CTNND2: variants seen among roughly 807,000 people sequenced by gnomAD.
CTNND2 encodes the protein catenin delta 2.
CTNND2 carries 22 observed loss-of-function variants against 144.4 expected under a neutral mutation model. That is an observed-to-expected ratio of 0.15 (90% confidence interval 0.11 to 0.22). The LOEUF is 0.22. Ranked by LOEUF, CTNND2 falls within the 10% of genes least tolerant of loss-of-function variation. CTNND2 has a pLI of 1.00. For missense variants in CTNND2, 1,353 were observed against 1,618.8 expected (o/e 0.84, Z 2.82); for synonymous variants, 751 against 695.6 (o/e 1.08, Z -1.25).
At chr5:11,387,082 T>A (rs1759158984) in intron 6 of CTNND2, among the ~76,000 whole-genome samples, 2 of 151,760 alleles carry the variant, frequency 1.3e-5, no homozygotes, top group South Asian at 4.2e-4. Context: ...TACTCATGAC[T>A]TACCATTGCT....
intron 3 of CTNND2, among the ~76,000 whole-genome samples, chr5:11,495,686 T>C (rs191899813): frequency 6.6e-6 from 1 of 152,278 alleles, no homozygotes; most frequent in East Asian, 1.9e-4. Flanking sequence ...GACTCTTCTT[T>C]CTCTTGAACT....
chr5:11,708,453 G>T (rs1166873454), intron 2 of CTNND2, among the ~76,000 whole-genome samples: 1 of 152,156 alleles, frequency 6.6e-6, no homozygotes, highest in Non-Finnish European at 1.5e-5. Context: ...CTAGATATTG[G>T]AGAGATCTGA....
chr5:11,353,113 T>C (rs1363308894), intron 8 of CTNND2, among the ~76,000 whole-genome samples: 1 of 149,042 alleles, frequency 6.7e-6, no homozygotes, highest in African/African-American at 2.5e-5. Context: ...CAGCCATCAA[T>C]GGGAAAGGAT....
intron 2 of CTNND2, among the ~76,000 whole-genome samples, chr5:11,568,252 G>A (rs536744540): frequency 1.3e-5 from 2 of 152,204 alleles, no homozygotes; most frequent in East Asian, 3.9e-4. Flanking sequence ...TATGAGAAAG[G>A]GCACCTTGCC....
chr5:11,104,362 T>C (rs1752206146), intron 14 of CTNND2, among the ~76,000 whole-genome samples: 1 of 152,212 alleles, frequency 6.6e-6, no homozygotes, highest in Admixed American at 6.5e-5. Context: ...TCTAAGTAGG[T>C]AAACTGTCAG....
intron 2 of CTNND2, among the ~76,000 whole-genome samples, chr5:11,662,849 C>G (rs75573501): frequency 6.6e-6 from 1 of 152,086 alleles, no homozygotes; most frequent in African/African-American, 2.4e-5. Context: ...AACTGTCTTC[C>G]GCAAAACTGG....
chr5:11,606,600 C>A (rs1780058255), intron 2 of CTNND2, among the ~76,000 whole-genome samples: 1 of 152,084 alleles, frequency 6.6e-6, no homozygotes, highest in African/African-American at 2.4e-5. Context: ...ATCATTCATC[C>A]AGCTGGAGGT....
intron 2 of CTNND2, among the ~76,000 whole-genome samples, chr5:11,693,684 G>A (rs907607022): frequency 2.6e-5 from 4 of 152,204 alleles, no homozygotes; most frequent in African/African-American, 9.6e-5. Context: ...AATATTTGGA[G>A]AATGAGAGAA....
intron 3 of CTNND2, among the ~76,000 whole-genome samples, chr5:11,490,111 T>A (rs761051591): frequency 6.6e-6 from 1 of 152,222 alleles, no homozygotes; most frequent in Non-Finnish European, 1.5e-5. Context: ...ACTTTCTGTC[T>A]TTATTGTTTT....
At chr5:11,130,664 A>G (rs1580373434) in intron 12 of CTNND2, among the ~76,000 whole-genome samples, 2 of 152,180 alleles carry the variant, frequency 1.3e-5, no homozygotes. Flanking sequence ...CTCCACAAAC[A>G]CTCACGTGCC....
chr5:11,767,270 A>G (rs189918252), intron 1 of CTNND2, among the ~76,000 whole-genome samples: 2 of 152,286 alleles, frequency 1.3e-5, no homozygotes, highest in East Asian at 3.9e-4. Flanking sequence ...CAGTGCTTCA[A>G]TAGTGTTTTG....
intron 2 of CTNND2, among the ~76,000 whole-genome samples, chr5:11,689,875 A>G (rs992133957): frequency 3.9e-5 from 6 of 152,230 alleles, no homozygotes; most frequent in Non-Finnish European, 8.8e-5. Flanking sequence ...ACACAGCAGA[A>G]GCTATTTTGT....
At chr5:11,594,899 T>C (rs1779427051) in intron 2 of CTNND2, among the ~76,000 whole-genome samples, 1 of 152,222 alleles carries the variant, frequency 6.6e-6, no homozygotes, top group African/African-American at 2.4e-5. Flanking sequence ...GGAGAGACTT[T>C]AAAAGACATG....
At chr5:11,128,741 T>TTATATATATA (rs1554049705) in intron 12 of CTNND2, among the ~76,000 whole-genome samples, 13 of 61,980 alleles carry the variant, frequency 2.1e-4, no homozygotes, top group African/African-American at 1.1e-3. Context: ...ATATATATAT[T>TTATATATATA]TATATATATT....
intron 2 of CTNND2, among the ~76,000 whole-genome samples, chr5:11,715,952 C>G (rs1786325911): frequency 6.6e-6 from 1 of 152,180 alleles, no homozygotes; most frequent in African/African-American, 2.4e-5. Flanking sequence ...AACAAGGCCT[C>G]CAATTATCCA....
At chr5:11,570,319 C>T (rs1045998319) in intron 2 of CTNND2, among the ~76,000 whole-genome samples, 12 of 152,158 alleles carry the variant, frequency 7.9e-5, no homozygotes, top group African/African-American at 2.4e-4. Context: ...CCCTCTCTTC[C>T]GTGGATTCCT....
chr5:11,386,208 G>A (rs192889740), intron 6 of CTNND2, among the ~76,000 whole-genome samples: 1 of 152,258 alleles, frequency 6.6e-6, no homozygotes, highest in African/African-American at 2.4e-5. Flanking sequence ...GGCTTTCCCC[G>A]GGGAGCAGAG....
At chr5:11,045,457 C>T (rs1745140375) in intron 16 of CTNND2, among the ~76,000 whole-genome samples, 1 of 152,156 alleles carries the variant, frequency 6.6e-6, no homozygotes, top group Non-Finnish European at 1.5e-5. Flanking sequence ...AGGCACCAAG[C>T]CATTACTGAG....
rs115322076 is a variant in CTNND2, at chr5:11,801,804, G to A, written c.38-69532C>T. On this transcript the variant is annotated intron_variant, in intron 1 of 21. Transcript: ENST00000304623. Reference sequence around the variant, plus strand: ...TCAGTAATTCTGAGTTGCATATAGTGATCTAAATAGCAAATGTGTATTTTA... The same window carrying A: ...TCAGTAATTCTGAGTTGCATATAGTAATCTAAATAGCAAATGTGTATTTTA... Among the ~76,000 whole-genome samples, 288 of 152,220 alleles carry A rather than the reference G, an allele frequency of 1.9e-3. 1 individual carries two copies. The highest frequency in any genetic ancestry group is 6.5e-3 in the African/African-American group (268 of 41,538).
Sources: allele counts gnomAD v4.1 joint callset (sites outside exome capture counted in the v4.1 genomes callset), GRCh38; gene constraint gnomAD v4.1.1; transcripts MANE v1.5; gene names NCBI Gene and HGNC (gene_info 2026-07-23, HGNC 2026-07-21).